The following DLGAP1 variants were observed in gnomAD, a reference collection of about 807,000 sequenced individuals.
DLGAP1 encodes disks large-associated protein 1.
DLGAP1 carries 11 observed loss-of-function variants against 90.8 expected under a neutral mutation model. The ratio of observed to expected loss-of-function variants is 0.12; its 90% CI spans 0.08 to 0.20. The LOEUF is 0.20. DLGAP1 is among the 10% of genes least tolerant of loss of function. The probability of loss-of-function intolerance (pLI) is 1.00; values close to 1 mark genes in which losing one functional copy is unlikely to be tolerated. For missense variants in DLGAP1, 1,050 were observed against 1,333.8 expected (o/e 0.79, Z 3.31); for synonymous variants, 558 against 540.7 (o/e 1.03, Z -0.44).
chr18:3,789,134 C>A (rs919565585), intron 5 of DLGAP1, among the ~76,000 whole-genome samples: 1 of 152,190 alleles, frequency 6.6e-6, no homozygotes, highest in African/African-American at 2.4e-5. Flanking sequence ...GTGAGTCTAG[C>A]AGGGGAGAGA....
chr18:4,269,354 A>ATATATTT (rs1247401948), intron 1 of DLGAP1, among the ~76,000 whole-genome samples: 1 of 132,124 alleles, frequency 7.6e-6, no homozygotes, highest in East Asian at 2.2e-4. Context: ...ATATATATAT[A>ATATATTT]TTTTTTTTTT....
At chr18:4,008,988 C>G (rs2149090877) in intron 2 of DLGAP1, among the ~76,000 whole-genome samples, 1 of 152,208 alleles carries the variant, frequency 6.6e-6, no homozygotes, top group East Asian at 1.9e-4. Flanking sequence ...ACTGCAAGCT[C>G]TGCCTCCCGG....
intron 4 of DLGAP1, among the ~76,000 whole-genome samples, chr18:3,850,788 C>T (rs1376178893): frequency 6.6e-6 from 1 of 152,104 alleles, no homozygotes; most frequent in African/African-American, 2.4e-5. Flanking sequence ...AAGTAGTATG[C>T]TAAGCTGACT....
chr18:3,966,269 G>C (rs1053442498), intron 3 of DLGAP1, among the ~76,000 whole-genome samples: 1 of 151,986 alleles, frequency 6.6e-6, no homozygotes, highest in African/African-American at 2.4e-5. Flanking sequence ...GGCTTGGTGG[G>C]TGGGGAAGTA....
At chr18:3,705,825 A>G (rs1026410140) in intron 7 of DLGAP1, among the ~76,000 whole-genome samples, 1 of 151,398 alleles carries the variant, frequency 6.6e-6, no homozygotes, top group African/African-American at 2.4e-5. Flanking sequence ...CGCGCAGCTA[A>G]TTTTTGTATT....
intron 1 of DLGAP1, among the ~76,000 whole-genome samples, chr18:4,297,904 CTT>C (rs1290955123): frequency 6.6e-6 from 1 of 152,048 alleles, no homozygotes; most frequent in Non-Finnish European, 1.5e-5. Context: ...CGCAGGTAAA[CTT>C]TTGACTCTTA....
chr18:4,041,873 A>C (rs1193473067), intron 2 of DLGAP1, among the ~76,000 whole-genome samples: 1 of 152,204 alleles, frequency 6.6e-6, no homozygotes, highest in East Asian at 1.9e-4. Flanking sequence ...TAATAAAGGC[A>C]CTGATATCTC....
chr18:4,258,008 T>TGTGTGC lies in DLGAP1; in HGVS notation c.-266-106722_-266-106721insGCACAC, dbSNP rs776564178. ...GTGTGTGTGTGTGTGTGTGTGTGTG[T>TGTGTGC]GTGCGCGCGCGCGCGTATAACCTAT... On this transcript the variant is annotated intron_variant, in intron 1 of 12. Transcript: ENST00000315677. Among the ~76,000 whole-genome samples the TGTGTGC allele has an allele frequency of 3.9e-3, 548 of 140,942 alleles. 7 individuals carry two copies. Among genetic ancestry groups the TGTGTGC allele is most frequent in the Admixed American group, 0.03 (437 of 14,652 alleles). 92.5% of individuals were successfully genotyped at this position (140,942 alleles called of 152,430 possible).
chr18:4,054,133 T>G (rs1015744936), intron 2 of DLGAP1, among the ~76,000 whole-genome samples: 2 of 152,186 alleles, frequency 1.3e-5, no homozygotes, highest in Non-Finnish European at 2.9e-5. Context: ...ATGGAGAACT[T>G]TCTCTCATGA....
intron 4 of DLGAP1, among the ~76,000 whole-genome samples, chr18:3,859,092 A>C (rs545221155): frequency 1.3e-5 from 2 of 152,356 alleles, no homozygotes; most frequent in East Asian, 3.9e-4. Flanking sequence ...TGTATACTGC[A>C]GAGTATGTAA....
Position 4,383,135 on chromosome 18 carries a change from CA to C in DLGAP1, c.-267+71870del, listed in dbSNP as rs1418326560. 6.6e-6 allele frequency among the ~76,000 whole-genome samples: 1 copy of C among 152,124 alleles called. No homozygotes were observed. The highest frequency in any genetic ancestry group is 2.4e-5 in the African/African-American group (1 of 41,402). ...GGTTAATTACCTTCACTCCTTTTTA[CA>C]AAAGCTAAATGTCCTAAGAATTACT... is the stretch of plus-strand genomic sequence containing the variant. On this transcript the variant is annotated intron_variant, in intron 1 of 12. Transcript: ENST00000315677. This position sits in a 1 kb window ranked among gnomAD's most constrained non-coding sequence, Gnocchi z 4.0.
At chr18:3,627,972 C>T (rs12959110) in intron 7 of DLGAP1, among the ~76,000 whole-genome samples, 27,960 of 149,308 alleles carry the variant, frequency 0.19, 2,872 homozygotes, top group Admixed American at 0.24. Context: ...CCCACCTCCC[C>T]GGTTCCAGTG....
At chr18:3,708,331 C>A in intron 7 of DLGAP1, 1 of 436,154 alleles carries the variant, frequency 2.3e-6, no homozygotes, top group Non-Finnish European at 4.7e-6. Flanking sequence ...AGCAAGAACA[C>A]ACATCTGACC....
At chr18:3,659,476 T>C (rs1405174203) in intron 7 of DLGAP1, among the ~76,000 whole-genome samples, 1 of 134,850 alleles carries the variant, frequency 7.4e-6, no homozygotes, top group Non-Finnish European at 1.5e-5. Context: ...CGGTTTCTTT[T>C]TCATAGTCTG....
At chr18:4,368,816 C>A (rs2081846551) in intron 1 of DLGAP1, among the ~76,000 whole-genome samples, 1 of 151,764 alleles carries the variant, frequency 6.6e-6, no homozygotes, top group Non-Finnish European at 1.5e-5. Flanking sequence ...TATTGAAATA[C>A]AAAAATTATT....
At chr18:3,592,103 C>G (rs142167552) in intron 7 of DLGAP1, among the ~76,000 whole-genome samples, 2 of 151,980 alleles carry the variant, frequency 1.3e-5, no homozygotes, top group African/African-American at 4.8e-5. Flanking sequence ...AGGGAGGGTC[C>G]CACAGAGAAT....
intron 5 of DLGAP1, among the ~76,000 whole-genome samples, chr18:3,761,146 T>C (rs1370431419): frequency 1.3e-5 from 2 of 152,186 alleles, no homozygotes; most frequent in Non-Finnish European, 2.9e-5. Flanking sequence ...GCATTAAGGA[T>C]AGTCACATTT....
chr18:4,092,888 C>T (rs2075791874), intron 2 of DLGAP1, among the ~76,000 whole-genome samples: 1 of 152,212 alleles, frequency 6.6e-6, no homozygotes, highest in Non-Finnish European at 1.5e-5. Context: ...CACTAGCCTA[C>T]ACTTGGCCTT....
chr18:4,147,989 C>T (rs1474162064), intron 2 of DLGAP1, among the ~76,000 whole-genome samples: 3 of 152,040 alleles, frequency 2.0e-5, no homozygotes, highest in African/African-American at 7.2e-5. Flanking sequence ...CAGGGGTGTC[C>T]GAGGGAGAGA....
Sources: gnomAD v4.1 joint callset for allele counts (sites outside exome capture counted in the v4.1 genomes callset) on GRCh38, gnomAD v4.1.1 for gene constraint, Gnocchi (gnomAD v3.1) non-coding constraint, MANE v1.5 for transcripts, NCBI Gene and HGNC (gene_info 2026-07-23, HGNC 2026-07-21) for gene names.